The following EIF3L variants were observed in gnomAD, a reference collection of about 807,000 sequenced individuals.
The protein encoded by EIF3L is eIEF associated protein HSPC021.
Under a neutral mutation model 74.6 loss-of-function variants are expected in EIF3L, and 32 were observed. The observed-to-expected ratio is 0.43, with a 90% CI of 0.32 to 0.58. EIF3L has a LOEUF of 0.58. Ranked by LOEUF, EIF3L falls within the 20% of genes least tolerant of loss-of-function variation. EIF3L has a pLI of 0.06. For synonymous variants in EIF3L, 256 were observed against 254.4 expected (o/e 1.01, Z -0.06); for missense variants, 474 against 707.8 (o/e 0.67, Z 3.75).
chr22:37,855,781 G>C, intron 4 of EIF3L, 137 bp downstream of exon 4: 2 of 633,450 alleles, frequency 3.2e-6, no homozygotes, highest in Non-Finnish European at 5.4e-6. Context: ...GTAGGTCCTT[G>C]GCAAAATAAC....
At chr22:37,884,162 A>C (rs1479753431) in intron 11 of EIF3L, 1 of 152,158 alleles carries the variant, frequency 6.6e-6, no homozygotes, top group Non-Finnish European at 1.5e-5. Flanking sequence ...CATGTAATAT[A>C]TGGACTTTTG....
At position 37,860,318 on chromosome 22, in the gene EIF3L, G is replaced by A. The variant is rs558062273; in HGVS notation, c.435+1578G>A. Among the ~76,000 whole-genome samples the A allele has an allele frequency of 1.3e-3, 204 of 152,276 alleles. 1 individual carries two copies. Among genetic ancestry groups the A allele is most frequent in the African/African-American group, 4.6e-3 (190 of 41,556 alleles). ...CATGATATCCAGCAAATCCTGTTAAGCTCTGTCTTCAACATACTTCTTTTT... is the reference window on the plus strand; with the variant it reads ...CATGATATCCAGCAAATCCTGTTAAACTCTGTCTTCAACATACTTCTTTTT... On this transcript the variant is annotated intron_variant, in intron 5 of 12. Transcript: ENST00000652021.
chr22:37,880,667 T>C (rs1927003031), intron 11 of EIF3L: 1 of 152,096 alleles, frequency 6.6e-6, no homozygotes, highest in Admixed American at 6.6e-5. Flanking sequence ...ATTTTAAGTT[T>C]TTACTTTATA....
chr22:37,850,389 A>G, intron 2 of EIF3L: 1 of 275,932 alleles, frequency 3.6e-6, no homozygotes, highest in Non-Finnish European at 7.2e-6. Context: ...GCTGGAGTGC[A>G]GTGGTGCGAT....
At chr22:37,874,070 C>G (rs903797693) in intron 8 of EIF3L, among the ~76,000 whole-genome samples, 1 of 152,034 alleles carries the variant, frequency 6.6e-6, no homozygotes, top group African/African-American at 2.4e-5. Flanking sequence ...CATGTGCTTT[C>G]TGAAAGGAGG....
intron 1 of EIF3L, 165 bp from the exon 2 acceptor site, chr22:37,849,850 T>A: frequency 1.4e-6 from 1 of 720,388 alleles, no homozygotes; most frequent in Non-Finnish European, 2.4e-6. Flanking sequence ...TGTCATTGTC[T>A]GTTTACTGTC....
At chr22:37,850,155 T>C in intron 2 of EIF3L, 92 bp downstream of exon 2, 1 of 1,434,120 alleles carries the variant, frequency 7.0e-7, no homozygotes, top group Non-Finnish European at 9.8e-7. Context: ...CAAAAATTGC[T>C]CTTTGATGGT....
intron 7 of EIF3L, among the ~76,000 whole-genome samples, chr22:37,864,562 G>A (rs986271076): frequency 1.4e-5 from 2 of 147,274 alleles, no homozygotes; most frequent in Non-Finnish European, 1.5e-5. Context: ...TTTTGGAGAT[G>A]GAGTCTGACT....
chr22:37,869,101 T>G (rs546729307), intron 7 of EIF3L, among the ~76,000 whole-genome samples: 2 of 152,020 alleles, frequency 1.3e-5, no homozygotes, highest in Non-Finnish European at 1.5e-5. Context: ...ATTACAAAAT[T>G]AGCATTTTGT....
At chr22:37,868,634 C>CTTTTT (rs71195065) in intron 7 of EIF3L, among the ~76,000 whole-genome samples, 1,827 of 25,034 alleles carry the variant, frequency 0.073, 582 homozygotes, top group East Asian at 0.23. Context: ...TGTTTTGGTG[C>CTTTTT]TTTTTTTTTT....
chr22:37,851,554 C>A lies in EIF3L; in HGVS notation c.293+64C>A, dbSNP rs1394440337. ...GACTGGCCTGGTAATATAGTTCCTACAAATGAGGTGAGCACTCTGTAAACA... is the reference window on the plus strand; with the variant it reads ...GACTGGCCTGGTAATATAGTTCCTAAAAATGAGGTGAGCACTCTGTAAACA... On this transcript the variant is annotated intron_variant, in intron 3 of 12. Coordinates refer to ENST00000652021, the MANE Select transcript of EIF3L (RefSeq NM_016091.4). 7.4e-6 allele frequency: 6 copies of A among 814,658 alleles called. No homozygotes were observed. In the Admixed American group the frequency reaches 1.0e-4, roughly 14 times the overall value. The allele number at this position is 814,658 out of a possible 1,614,324, so 50.5% of individuals were successfully genotyped here. A position where few individuals can be genotyped will look rare whatever the true frequency, so the allele number is the denominator to read the frequency against.
Position 37,888,720 on chromosome 22 carries a change from T to TTG in EIF3L, c.*258_*259dup. The stretch of plus-strand genomic sequence containing the variant: ...TCCTGATGCTTTCAGGATACATCAG[T>TTG]TGTTAGTGTTTAAATTGAGTTATTT... On this transcript the variant is annotated 3_prime_UTR_variant, in exon 13 of 13. Transcript: ENST00000652021. 2.1e-6 allele frequency: 1 copy of TTG among 476,314 alleles called. No homozygotes were observed. Among genetic ancestry groups the TTG allele is most frequent in the Non-Finnish European group, 3.7e-6 (1 of 269,604 alleles). 29.5% of individuals were successfully genotyped at this position (476,314 alleles called of 1,614,324 possible).
chr22:37,869,755 T>A (rs1926373858), intron 7 of EIF3L, among the ~76,000 whole-genome samples: 1 of 152,130 alleles, frequency 6.6e-6, no homozygotes. Flanking sequence ...AGATACCTAT[T>A]ACCACATCAC....
At chr22:37,857,854 A>G (rs1925618250) in intron 4 of EIF3L, among the ~76,000 whole-genome samples, 1 of 151,972 alleles carries the variant, frequency 6.6e-6, no homozygotes, top group South Asian at 2.1e-4. Context: ...CTCTCAATTG[A>G]CTAAACACAG....
At chr22:37,851,581 T>A in intron 3 of EIF3L, 91 bp downstream of exon 3, 1 of 366,058 alleles carries the variant, frequency 2.7e-6, no homozygotes, top group Non-Finnish European at 5.1e-6. Context: ...CTGTAAACAG[T>A]ACTTTCGGGG....
intron 1 of EIF3L, 59 bp from the exon 2 acceptor site, chr22:37,849,956 A>G: frequency 6.3e-7 from 1 of 1,592,110 alleles, no homozygotes; most frequent in South Asian, 1.1e-5. Context: ...AGACTCTAGG[A>G]TGAGCGTTTT....
chr22:37,863,117 T>TTTTTAAA, intron 6 of EIF3L, 79 bp downstream of exon 6: 1 of 1,370,520 alleles, frequency 7.3e-7, no homozygotes, highest in Non-Finnish European at 1.0e-6. Flanking sequence ...TTTTTTTTTT[T>TTTTTAAA]TTTTAAATTA....
chr22:37,865,446 G>A (rs143796634), intron 7 of EIF3L, among the ~76,000 whole-genome samples: 1,533 of 151,822 alleles, frequency 0.01, 32 homozygotes, highest in African/African-American at 0.036. Context: ...GCGACAGAGT[G>A]AGACTCTGTC....
At chr22:37,856,089 G>A (rs906211668) in intron 4 of EIF3L, among the ~76,000 whole-genome samples, 2 of 151,390 alleles carry the variant, frequency 1.3e-5, no homozygotes, top group African/African-American at 2.4e-5. Flanking sequence ...ATGGAGTCTC[G>A]TTCTGTCTCC....
Sources: allele counts gnomAD v4.1 joint callset (sites outside exome capture counted in the v4.1 genomes callset), GRCh38; gene constraint gnomAD v4.1.1; transcripts MANE v1.5; gene names NCBI Gene and HGNC (gene_info 2026-07-23, HGNC 2026-07-21).